Variants in METTL16 observed in about 807,000 individuals in gnomAD.
METTL16 encodes methyltransferase 16, RNA N6-adenosine.
Under a neutral mutation model 57.9 loss-of-function variants are expected in METTL16, and 19 were observed. That is an observed-to-expected ratio of 0.33 (90% CI 0.23 to 0.48). METTL16 has a LOEUF of 0.48. Ranked by LOEUF, METTL16 falls within the 20% of genes least tolerant of loss-of-function variation. The probability of loss-of-function intolerance (pLI) is 0.99; values close to 1 mark genes in which losing one functional copy is unlikely to be tolerated. For synonymous variants in METTL16, 246 were observed against 255.6 expected, an observed-to-expected ratio of 0.96 and a Z score of 0.36; for missense variants, 434 against 691.5, an observed-to-expected ratio of 0.63 and a Z score of 4.18.
intron 8 of METTL16, among the ~76,000 whole-genome samples, chr17:2,433,796 A>G (rs1048678756): frequency 6.6e-6 from 1 of 152,204 alleles, no homozygotes; most frequent in African/African-American, 2.4e-5. Flanking sequence ...CCATTCCTTT[A>G]AACATACAAC....
intron 1 of METTL16, among the ~76,000 whole-genome samples, chr17:2,510,775 G>T (rs1041815364): frequency 6.6e-6 from 1 of 151,666 alleles, no homozygotes; most frequent in Non-Finnish European, 1.5e-5. Context: ...CAATCCTCCC[G>T]CCTGAGCCTC....
intron 6 of METTL16, among the ~76,000 whole-genome samples, chr17:2,452,065 A>G (rs2067075220): frequency 6.9e-6 from 1 of 145,172 alleles, no homozygotes; most frequent in Non-Finnish European, 1.5e-5. Context: ...TGAGCCTGGG[A>G]GGTCAGGGCT....
intron 2 of METTL16, among the ~76,000 whole-genome samples, chr17:2,494,170 C>T (rs1213166432): frequency 5.9e-5 from 9 of 151,984 alleles, no homozygotes; most frequent in African/African-American, 9.7e-5. Context: ...CTCAGCCTCC[C>T]GAGTCGCTGG....
In METTL16 at chr17:2,420,471, G is replaced by A. The variant is rs1173078454; in HGVS notation, c.1188C>T (p.Pro396=). 2.5e-6 allele frequency: 4 copies of A among 1,614,072 alleles called. No individual in the cohort carries two copies. Among genetic ancestry groups the A allele is most frequent in the East Asian group, 4.5e-5 (2 of 44,884 alleles). The change falls in exon 10 of 10, where the codon CCC becomes CCT. Residue 396 remains proline (P), a synonymous_variant. Coordinates refer to ENST00000263092, the MANE Select transcript of METTL16 (RefSeq NM_024086.4). The surrounding 1 kb of genome is among the most constrained non-coding windows in gnomAD (Gnocchi z 5.4). Reference sequence around the variant, plus strand: ...CCTGAATGACGTCCTCAGGAGCTCGGGGAACTTCTCTCAGCTGTCTCACAC... The same window carrying A: ...CCTGAATGACGTCCTCAGGAGCTCGAGGAACTTCTCTCAGCTGTCTCACAC... ...RERVRQLREV[P]RAPEDVIQAL...
chr17:2,511,462 G>C lies in METTL16; in HGVS notation c.-1+297C>G, dbSNP rs143131077. On this transcript the variant is annotated intron_variant, in intron 1 of 9. Transcript: ENST00000263092. ...GTCCTGCCACTGCCGTTCTTTCCATGCCCTCATTTTATCAGCTCAGTTTGT... is the reference window on the plus strand; with the variant it reads ...GTCCTGCCACTGCCGTTCTTTCCATCCCCTCATTTTATCAGCTCAGTTTGT... Among the ~76,000 whole-genome samples the C allele has an allele frequency of 2.5e-3, 376 of 152,044 alleles. 2 individuals are homozygous for C. Among genetic ancestry groups the C allele is most frequent in the African/African-American group, 8.8e-3 (363 of 41,474 alleles).
chr17:2,474,414 C>T (rs999437120), intron 3 of METTL16, among the ~76,000 whole-genome samples: 1 of 124,328 alleles, frequency 8.0e-6, no homozygotes, highest in African/African-American at 2.9e-5. Context: ...AAAAGCTAAA[C>T]TAAAGAGATA....
intron 8 of METTL16, among the ~76,000 whole-genome samples, chr17:2,421,513 C>T (rs898805805): frequency 6.6e-5 from 10 of 152,212 alleles, no homozygotes; most frequent in African/African-American, 1.7e-4. Flanking sequence ...TCTTTCCAGC[C>T]GCACCGCACT....
At chr17:2,486,492 C>G (rs1200377361) in intron 2 of METTL16, among the ~76,000 whole-genome samples, 3 of 152,008 alleles carry the variant, frequency 2.0e-5, no homozygotes, top group Non-Finnish European at 4.4e-5. Flanking sequence ...AGGATGGTCT[C>G]AATCTCCTGA....
In METTL16 at chr17:2,428,597, ATATAT is replaced by A. The variant is rs1567881713; in HGVS notation, c.889-7698_889-7694del. ...TATATATATATATATATATATATATATATATAAATTGTAATACAGCGGGGCACAGT... is the reference window on the plus strand; with the variant it reads ...TATATATATATATATATATATATATAAAATTGTAATACAGCGGGGCACAGT... On this transcript the variant is annotated intron_variant, in intron 8 of 9. Coordinates refer to ENST00000263092, the MANE Select transcript of METTL16 (RefSeq NM_024086.4). Among the ~76,000 whole-genome samples the A allele has an allele frequency of 2.5e-3, 124 of 49,812 alleles. 5 individuals carry two copies. Among genetic ancestry groups the A allele is most frequent in the Non-Finnish European group, 3.1e-3 (93 of 30,112 alleles). The allele number at this position is 49,812 out of a possible 152,430, so 32.7% of individuals were successfully genotyped here.
intron 6 of METTL16, among the ~76,000 whole-genome samples, chr17:2,451,650 A>C (rs2067070724): frequency 1.3e-5 from 2 of 151,846 alleles, no homozygotes; most frequent in African/African-American, 4.8e-5. Context: ...GAAAAGAAAG[A>C]AAGTGTATAA....
intron 2 of METTL16, among the ~76,000 whole-genome samples, chr17:2,487,966 C>T (rs1018124475): frequency 6.6e-6 from 1 of 151,860 alleles, no homozygotes; most frequent in African/African-American, 2.4e-5. Flanking sequence ...GATCGCATCA[C>T]TGTATTCCAG....
chr17:2,461,437 A>T (rs1394766265), intron 6 of METTL16, among the ~76,000 whole-genome samples: 1 of 152,172 alleles, frequency 6.6e-6, no homozygotes, highest in African/African-American at 2.4e-5. Context: ...TTAATAAAAT[A>T]AGCAGCTTTC....
At chr17:2,491,593 T>C (rs1017315333) in intron 2 of METTL16, among the ~76,000 whole-genome samples, 6 of 152,050 alleles carry the variant, frequency 3.9e-5, no homozygotes, top group Non-Finnish European at 7.4e-5. Flanking sequence ...ACAAATCAGT[T>C]GGCCGGGCAC....
chr17:2,499,478 T>C (rs2067471956), intron 2 of METTL16, among the ~76,000 whole-genome samples: 1 of 147,988 alleles, frequency 6.8e-6, no homozygotes, highest in Non-Finnish European at 1.5e-5. Flanking sequence ...AAATGGTATC[T>C]TTCCTAAAGC....
intron 2 of METTL16, among the ~76,000 whole-genome samples, chr17:2,479,912 C>T (rs953614716): frequency 6.6e-6 from 1 of 152,098 alleles, no homozygotes. Context: ...ACTGGCCGGG[C>T]ACGGTGGCTC....
At chr17:2,468,915 TTGTG>T (rs35816158) in intron 4 of METTL16, among the ~76,000 whole-genome samples, 35,990 of 146,300 alleles carry the variant, frequency 0.25, 4,423 homozygotes, top group African/African-American at 0.3. Context: ...TTTTTTGTTG[TTGTG>T]TGTGTGTGTT....
intron 7 of METTL16, among the ~76,000 whole-genome samples, chr17:2,440,673 G>A (rs2066943018): frequency 6.6e-6 from 1 of 152,188 alleles, no homozygotes; most frequent in Non-Finnish European, 1.5e-5. Context: ...TGGTCCCAAA[G>A]GAAAAGAAAT....
intron 6 of METTL16, among the ~76,000 whole-genome samples, chr17:2,453,552 G>A (rs765915174): frequency 1.3e-5 from 2 of 152,170 alleles, no homozygotes; most frequent in Admixed American, 6.6e-5. Context: ...ACCTGGTCAG[G>A]GAGGTGGCCT....
chr17:2,488,109 C>G (rs887667955), intron 2 of METTL16, among the ~76,000 whole-genome samples: 14 of 152,176 alleles, frequency 9.2e-5, no homozygotes, highest in Non-Finnish European at 1.6e-4. Flanking sequence ...GATTTGAAAA[C>G]AGGACCTCAA....
Sources: allele counts gnomAD v4.1 joint callset (sites outside exome capture counted in the v4.1 genomes callset), GRCh38; gene constraint gnomAD v4.1.1; non-coding constraint Gnocchi (gnomAD v3.1); transcripts MANE v1.5; gene names NCBI Gene and HGNC (gene_info 2026-07-23, HGNC 2026-07-21).